Variants in ANKRD45 observed in about 807,000 individuals in gnomAD.
ANKRD45 encodes the protein ankyrin repeat domain 45.
In ANKRD45, 21 loss-of-function variants were observed where a neutral mutation model predicts 28.1. The observed-to-expected ratio is 0.75, with a 90% CI of 0.53 to 1.08. The LOEUF (loss-of-function observed/expected upper bound fraction) is 1.08. Ranked by LOEUF, ANKRD45 falls within the 50% of genes least tolerant of loss-of-function variation. The probability of loss-of-function intolerance (pLI) is 0.00; values close to 1 mark genes in which losing one functional copy is unlikely to be tolerated. For missense variants in ANKRD45, 261 were observed against 308.7 expected (o/e 0.85, Z 1.16); for synonymous variants, 86 against 103.9 (o/e 0.83, Z 1.05).
intron 2 of ANKRD45, among the ~76,000 whole-genome samples, chr1:173,647,689 T>C (rs1668999729): frequency 1.3e-5 from 2 of 152,204 alleles, no homozygotes; most frequent in Admixed American, 6.5e-5. Context: ...TACAATTCAC[T>C]TTATTGCACA....
At chr1:173,615,193 T>C (rs953904042) in intron 5 of ANKRD45, among the ~76,000 whole-genome samples, 4 of 151,780 alleles carry the variant, frequency 2.6e-5, no homozygotes, top group African/African-American at 9.7e-5. Context: ...GAGACCATTC[T>C]GGCCAACATG....
intron 5 of ANKRD45, among the ~76,000 whole-genome samples, chr1:173,623,628 T>C (rs755765545): frequency 6.6e-6 from 1 of 152,166 alleles, no homozygotes; most frequent in Non-Finnish European, 1.5e-5. Context: ...CAAGGGAATA[T>C]AAATCATTCT....
At chr1:173,616,661 G>A (rs900097628) in intron 5 of ANKRD45, among the ~76,000 whole-genome samples, 47 of 152,146 alleles carry the variant, frequency 3.1e-4, no homozygotes, top group African/African-American at 1.1e-3. Flanking sequence ...TCTTAGGATA[G>A]TATTCCCACA....
At chr1:173,635,568 G>A in intron 3 of ANKRD45, 1 of 1,534,878 alleles carries the variant, frequency 6.5e-7, no homozygotes, top group Non-Finnish European at 8.7e-7. Context: ...TTGTTTATCT[G>A]CTTCTTCGGG....
the ANKRD45 span, among the ~76,000 whole-genome samples, chr1:173,704,220 T>A: frequency 3.8e-4 from 58 of 152,308 alleles, no homozygotes; most frequent in South Asian, 1.2e-3. Context: ...TGGGGGTGCA[T>A]GAACATAGAT....
At chr1:173,710,556 G>A in the ANKRD45 span, among the ~76,000 whole-genome samples, 1 of 152,314 alleles carries the variant, frequency 6.6e-6, no homozygotes, top group Admixed American at 6.5e-5. Context: ...CATGCAGAGT[G>A]TGTTTACTGG....
chr1:173,646,759 T>C, intron 3 of ANKRD45, 87 bp downstream of exon 3: 1 of 1,340,702 alleles, frequency 7.5e-7, no homozygotes, highest in South Asian at 1.4e-5. Context: ...AACAAAACAC[T>C]GTGAAAAAAG....
In ANKRD45 at chr1:173,663,088, C is replaced by T. The variant is rs542822737; in HGVS notation, c.-15-3655G>A. Among the ~76,000 whole-genome samples the T allele has an allele frequency of 2.2e-4, 31 of 143,042 alleles. No individual in the cohort carries two copies. The East Asian group carries it at 6.3e-3, about 29-fold the overall frequency. The allele number at this position is 143,042 out of a possible 152,430, so 93.8% of individuals were successfully genotyped here. ...ACACACACACACACACACACACACA[C>T]ACACCTTCTTTAAAGCACTCCTATC... On this transcript the variant is annotated intron_variant, in intron 1 of 5. Coordinates refer to ENST00000333279, the MANE Select transcript of ANKRD45 (RefSeq NM_198493.3).
chr1:173,610,840 A>T (rs1442331749), intron 5 of ANKRD45, among the ~76,000 whole-genome samples: 1 of 152,162 alleles, frequency 6.6e-6, no homozygotes, highest in Non-Finnish European at 1.5e-5. Flanking sequence ...ACAAAATCTT[A>T]AAAAATAAAA....
the ANKRD45 span, among the ~76,000 whole-genome samples, chr1:173,680,085 T>C: frequency 6.6e-6 from 1 of 152,182 alleles, no homozygotes; most frequent in Non-Finnish European, 1.5e-5. Context: ...TTTTACACTG[T>C]TGGTGGGAGT....
chr1:173,616,044 A>C (rs1667453473), intron 5 of ANKRD45, among the ~76,000 whole-genome samples: 2 of 152,034 alleles, frequency 1.3e-5, no homozygotes, highest in African/African-American at 4.8e-5. Flanking sequence ...CGGAGCTTGC[A>C]GTAAGCCGAG....
chr1:173,661,494 C>G (rs1669773482), intron 1 of ANKRD45, among the ~76,000 whole-genome samples: 1 of 152,154 alleles, frequency 6.6e-6, no homozygotes, highest in Non-Finnish European at 1.5e-5. Context: ...GAACTTGATT[C>G]TGTAGACAAC....
the ANKRD45 span, among the ~76,000 whole-genome samples, chr1:173,710,915 G>A: frequency 6.6e-6 from 1 of 152,032 alleles, no homozygotes; most frequent in Non-Finnish European, 1.5e-5. Context: ...CAAGGGGAGA[G>A]GATCACTTGA....
chr1:173,648,485 C>T (rs1315919266), intron 2 of ANKRD45, among the ~76,000 whole-genome samples: 1 of 152,182 alleles, frequency 6.6e-6, no homozygotes, highest in Admixed American at 6.5e-5. Context: ...ATGTCTTTGT[C>T]ATATGGACAG....
intron 3 of ANKRD45, among the ~76,000 whole-genome samples, chr1:173,633,819 C>T (rs1457818911): frequency 2.0e-5 from 3 of 152,016 alleles, no homozygotes; most frequent in African/African-American, 4.8e-5. Context: ...CCATCTCTCA[C>T]CATATACAAA....
At chr1:173,639,423 C>A (rs1295487527) in intron 3 of ANKRD45, among the ~76,000 whole-genome samples, 1 of 152,122 alleles carries the variant, frequency 6.6e-6, no homozygotes, top group Non-Finnish European at 1.5e-5. Context: ...CTACTGCAGT[C>A]CCCATCTTCT....
intron 1 of ANKRD45, chr1:173,667,706 T>TA (rs76892513): frequency 0.016 from 5,828 of 353,324 alleles, no homozygotes; most frequent in South Asian, 0.026. Context: ...GACCCCATCT[T>TA]AAAAAAAAAA....
At chr1:173,698,026 C>T in the ANKRD45 span, among the ~76,000 whole-genome samples, 3 of 151,810 alleles carry the variant, frequency 2.0e-5, no homozygotes, top group African/African-American at 4.8e-5. Flanking sequence ...TCCTAGTCTC[C>T]GATAAAATAG....
At chr1:173,677,183 T>A in the ANKRD45 span, among the ~76,000 whole-genome samples, 501 of 145,874 alleles carry the variant, frequency 3.4e-3, 1 homozygote, top group African/African-American at 0.011. Flanking sequence ...TGAAGGATTT[T>A]AAAAAAAAAA....
Sources: allele counts gnomAD v4.1 joint callset (sites outside exome capture counted in the v4.1 genomes callset), GRCh38; gene constraint gnomAD v4.1.1; transcripts MANE v1.5; gene names NCBI Gene and HGNC (gene_info 2026-07-23, HGNC 2026-07-21).